C2CD3: variants seen among roughly 807,000 people sequenced by gnomAD.
C2CD3 encodes C2 domain containing 3 centriole elongation regulator.
In C2CD3, 148 loss-of-function variants were observed where a neutral mutation model predicts 234.0. The ratio of observed to expected loss-of-function variants is 0.63; its 90% CI spans 0.55 to 0.72. C2CD3 has a LOEUF of 0.72. Ranked by LOEUF, C2CD3 falls within the 30% of genes least tolerant of loss-of-function variation. The probability of loss-of-function intolerance (pLI) is 0.00; values close to 1 mark genes in which losing one functional copy is unlikely to be tolerated. For missense variants in C2CD3, 2,577 were observed against 2,811.5 expected, an observed-to-expected ratio of 0.92 and a Z score of 1.89; for synonymous variants, 1,000 against 1,035.4, an observed-to-expected ratio of 0.97 and a Z score of 0.66.
chr11:74,039,413 C>A (rs1952907992), intron 29 of C2CD3, among the ~76,000 whole-genome samples: 1 of 152,144 alleles, frequency 6.6e-6, no homozygotes, highest in Non-Finnish European at 1.5e-5. Context: ...GTAAAGAATT[C>A]CTCTAGATAG....
At chr11:74,122,545 A>C (rs1168679031) in intron 8 of C2CD3, among the ~76,000 whole-genome samples, 1 of 152,212 alleles carries the variant, frequency 6.6e-6, no homozygotes, top group African/African-American at 2.4e-5. Context: ...ACTTTGAAAA[A>C]ACCAGAGCTG....
intron 2 of C2CD3, chr11:74,164,273 T>C (rs886269280): frequency 2.1e-6 from 2 of 960,660 alleles, no homozygotes; most frequent in Non-Finnish European, 2.5e-6. Flanking sequence ...AAAAATCACG[T>C]AGTGTAGCCA....
chr11:74,045,575 TC>T (rs57615581), intron 28 of C2CD3, among the ~76,000 whole-genome samples: 11,993 of 109,128 alleles, frequency 0.11, 1,416 homozygotes, highest in African/African-American at 0.41. Context: ...CTTTTTTCTT[TC>T]CTTTTTTTTT....
intron 32 of C2CD3, among the ~76,000 whole-genome samples, chr11:74,021,570 C>G (rs184270632): frequency 2.6e-5 from 4 of 152,134 alleles, no homozygotes; most frequent in African/African-American, 4.8e-5. Flanking sequence ...GGAGGAGAAC[C>G]AAGAAGAAGT....
intron 20 of C2CD3, among the ~76,000 whole-genome samples, chr11:74,088,038 T>C (rs947920323): frequency 1.3e-5 from 2 of 152,166 alleles, no homozygotes; most frequent in Admixed American, 1.3e-4. Context: ...ACCTGCTATC[T>C]AGATGCCAGC....
At chr11:74,097,969 A>T (rs1565290172) in intron 16 of C2CD3, 40 bp downstream of exon 16, 1 of 1,584,572 alleles carries the variant, frequency 6.3e-7, no homozygotes, top group Non-Finnish European at 8.6e-7. Context: ...TGCAAGAGAA[A>T]ATGAAATAAT....
At chr11:74,103,071 G>C in intron 14 of C2CD3, 60 bp downstream of exon 14, 2 of 1,447,982 alleles carry the variant, frequency 1.4e-6, no homozygotes, top group Non-Finnish European at 9.4e-7. Context: ...ATAATAATTT[G>C]GGAGGCATTT....
chr11:74,042,320 T>C lies in C2CD3; in HGVS notation c.5496-102A>G, dbSNP rs2135422320. The C allele has an allele frequency of 7.6e-6, 9 of 1,179,384 alleles. No homozygotes were observed. In the South Asian group the frequency reaches 1.4e-4, roughly 18 times the overall value. 73.1% of individuals were successfully genotyped at this position (1,179,384 alleles called of 1,614,324 possible). On this transcript the variant is annotated intron_variant, in intron 28 of 32. Transcript: ENST00000334126. The stretch of plus-strand genomic sequence containing the variant: ...AACAAATCACTATCCTGAAATGGAA[T>C]GCAAATCTATCCCCACTATCACAGT...
intron 24 of C2CD3, among the ~76,000 whole-genome samples, chr11:74,067,389 G>A (rs1046764331): frequency 3.3e-5 from 5 of 151,984 alleles, no homozygotes; most frequent in Admixed American, 2.0e-4. Context: ...CCTTAGAACC[G>A]GGAAAGCATT....
At chr11:74,164,162 C>T (rs1856655465) in intron 2 of C2CD3, 1 of 972,910 alleles carries the variant, frequency 1.0e-6, no homozygotes, top group African/African-American at 1.8e-5. Flanking sequence ...CTTTATACTT[C>T]ACTTGTTGTG....
chr11:74,029,171 A>AT, intron 31 of C2CD3, among the ~76,000 whole-genome samples: 1 of 152,282 alleles, frequency 6.6e-6, no homozygotes, highest in Admixed American at 6.5e-5. Context: ...TTCTACAGGT[A>AT]TTTTTTGAAT....
At chr11:74,066,654 C>CTT (rs5792643) in intron 24 of C2CD3, among the ~76,000 whole-genome samples, 22 of 148,654 alleles carry the variant, frequency 1.5e-4, no homozygotes, top group Middle Eastern at 3.4e-3. Flanking sequence ...TAGACCAATT[C>CTT]TTTTTTTTTT....
Position 74,089,255 on chromosome 11 carries a change from G to A in C2CD3, c.3641+1558C>T, listed in dbSNP as rs1031151974. ...TGTACCCTAAACCTTAGCATCATGC[G>A]ACATACCCATATAACAAATCTGCAC... is the stretch of plus-strand genomic sequence containing the variant. On this transcript the variant is annotated intron_variant, in intron 20 of 32. Coordinates refer to ENST00000334126, the MANE Select transcript of C2CD3 (RefSeq NM_001286577.2). 7.2e-5 allele frequency among the ~76,000 whole-genome samples: 11 copies of A among 152,074 alleles called. 1 individual carries two copies. The highest frequency in any genetic ancestry group is 6.6e-4 in the Admixed American group (10 of 15,262).
Position 74,146,500 on chromosome 11 carries a change from A to G in C2CD3, c.484-6672T>C, listed in dbSNP as rs527339478. ...TTTGGATGTGATGCTCATGACAAAC[A>G]TATCCAAGGAAATACAGCTCTCTGA... On this transcript the variant is annotated intron_variant, in intron 3 of 32. Coordinates refer to ENST00000334126, the MANE Select transcript of C2CD3 (RefSeq NM_001286577.2). Among the ~76,000 whole-genome samples the G allele has an allele frequency of 2.0e-5, 3 of 152,338 alleles. No homozygotes were observed. The South Asian group carries it at 6.2e-4, about 32-fold the overall frequency.
At chr11:74,027,779 T>G (rs1343377845) in intron 32 of C2CD3, among the ~76,000 whole-genome samples, 1 of 152,226 alleles carries the variant, frequency 6.6e-6, no homozygotes, top group Non-Finnish European at 1.5e-5. Flanking sequence ...TGCAAGAAAG[T>G]TCAGGTGCTC....
Position 74,097,952 on chromosome 11 carries a change from T to C in C2CD3, c.2979+57A>G, listed in dbSNP as rs1051886867. Reference sequence around the variant, plus strand: ...TAAAGGATTTGGGCAATAAATTCACTAAAATATGCAAGAGAAAATGAAATA... The same window carrying C: ...TAAAGGATTTGGGCAATAAATTCACCAAAATATGCAAGAGAAAATGAAATA... On this transcript the variant is annotated intron_variant, in intron 16 of 32. Transcript: ENST00000334126. The C allele has an allele frequency of 9.0e-6, 14 of 1,555,410 alleles. No homozygotes were observed. The South Asian group carries it at 1.6e-4, about 17-fold the overall frequency.
intron 11 of C2CD3, chr11:74,109,414 A>G (rs1267723064): frequency 1.3e-5 from 5 of 371,138 alleles, no homozygotes; most frequent in Non-Finnish European, 1.4e-5. Context: ...CAATCATATG[A>G]GTACTGGATG....
intron 21 of C2CD3, 46 bp downstream of exon 21, chr11:74,085,572 T>C (rs1955603166): frequency 6.2e-7 from 1 of 1,602,338 alleles, no homozygotes; most frequent in Non-Finnish European, 8.5e-7. Context: ...CTATTCACAA[T>C]GCAGCCTCTT....
chr11:74,013,500 G>T lies in C2CD3; in HGVS notation c.6947C>A (p.Ala2316Asp). Residue 2316 changes from alanine (A) to aspartate (D), a missense_variant, in exon 33 of 33, where the codon GCT becomes GAT. By Grantham distance (126) the Ala-to-Asp change is moderately radical (BLOSUM62 -2). Coordinates refer to ENST00000334126, the MANE Select transcript of C2CD3 (RefSeq NM_001286577.2). The stretch of plus-strand genomic sequence containing the variant: ...GGGGCGACAAGGCCTTTGGGAGAGA[G>T]CTCCCCTGGTGGCTTCGCTCTTGTC... Reference protein sequence around the residue: ...DQDKSEATRGALSQRPCRPRP... With the variant: ...DQDKSEATRGDLSQRPCRPRP... 1 of 1,383,066 alleles carries T rather than the reference G, an allele frequency of 7.2e-7. No homozygotes were observed. The highest frequency in any genetic ancestry group is 3.4e-5 in the Admixed American group (1 of 29,224). 85.7% of individuals were successfully genotyped at this position (1,383,066 alleles called of 1,614,324 possible). A position where few individuals can be genotyped will look rare whatever the true frequency, so the allele number is the denominator to read the frequency against.
Sources: allele counts gnomAD v4.1 joint callset (sites outside exome capture counted in the v4.1 genomes callset), GRCh38; gene constraint gnomAD v4.1.1; transcripts MANE v1.5; gene names NCBI Gene and HGNC (gene_info 2026-07-23, HGNC 2026-07-21).